The following GALNT13 variants were observed in gnomAD, a reference collection of about 807,000 sequenced individuals.
GALNT13 encodes UDP-GalNAc:polypeptide N-acetylgalactosaminyltransferase 13.
Under a neutral mutation model 64.2 loss-of-function variants are expected in GALNT13, and 28 were observed. That is an observed-to-expected ratio of 0.44 (90% CI 0.32 to 0.60). The LOEUF is 0.60. GALNT13 is among the 20% of genes least tolerant of loss of function. The pLI, the probability that GALNT13 is intolerant of heterozygous loss-of-function variation, is 0.05. For synonymous variants in GALNT13, 214 were observed against 224.6 expected, an observed-to-expected ratio of 0.95 and a Z score of 0.42; for missense variants, 577 against 669.8, an observed-to-expected ratio of 0.86 and a Z score of 1.53.
At chr2:154,370,426 A>T (rs1035779608) in intron 9 of GALNT13, among the ~76,000 whole-genome samples, 1 of 152,168 alleles carries the variant, frequency 6.6e-6, no homozygotes. Context: ...TCACAGTCAA[A>T]AAATAACTTG....
At chr2:154,001,046 T>C (rs1448749331) in intron 3 of GALNT13, among the ~76,000 whole-genome samples, 1 of 151,984 alleles carries the variant, frequency 6.6e-6, no homozygotes, top group Non-Finnish European at 1.5e-5. Flanking sequence ...ATATAATGGC[T>C]TAAGTTTGAT....
chr2:154,250,421 T>TA (rs1450731495), intron 7 of GALNT13, among the ~76,000 whole-genome samples: 1 of 152,102 alleles, frequency 6.6e-6, no homozygotes, highest in African/African-American at 2.4e-5. Context: ...CTCAATTACT[T>TA]ACGATGTTTC....
At chr2:153,525,172 G>T in the GALNT13 span, among the ~76,000 whole-genome samples, 6 of 152,274 alleles carry the variant, frequency 3.9e-5, no homozygotes, top group Middle Eastern at 3.4e-3. Context: ...CTGCCTTGAC[G>T]AGAAGAAACC....
intron 2 of GALNT13, among the ~76,000 whole-genome samples, chr2:153,922,443 C>T (rs1689822096): frequency 6.6e-6 from 1 of 152,122 alleles, no homozygotes; most frequent in Non-Finnish European, 1.5e-5. Flanking sequence ...AGCTTTATAC[C>T]TTTCCCATTT....
the GALNT13 span, among the ~76,000 whole-genome samples, chr2:153,715,070 A>G: frequency 6.6e-6 from 1 of 152,100 alleles, no homozygotes; most frequent in Non-Finnish European, 1.5e-5. Context: ...CTCTGGGGGC[A>G]TCATTCTTAG....
At chr2:154,025,601 T>C (rs1212810490) in intron 3 of GALNT13, among the ~76,000 whole-genome samples, 1 of 152,242 alleles carries the variant, frequency 6.6e-6, no homozygotes, top group Non-Finnish European at 1.5e-5. Context: ...ATAATCATTC[T>C]GGATTTTTAA....
intron 3 of GALNT13, among the ~76,000 whole-genome samples, chr2:154,093,629 A>T (rs1701929860): frequency 6.6e-6 from 1 of 151,724 alleles, no homozygotes; most frequent in Non-Finnish European, 1.5e-5. Context: ...GATTAATTAA[A>T]TGACCTAAAA....
chr2:154,204,781 A>G (rs1295200892), intron 4 of GALNT13, among the ~76,000 whole-genome samples: 3 of 152,200 alleles, frequency 2.0e-5, no homozygotes, highest in African/African-American at 7.2e-5. Flanking sequence ...TCTCAGACAT[A>G]TCATGTTATG....
chr2:153,600,897 G>A, the GALNT13 span, among the ~76,000 whole-genome samples: 1 of 151,912 alleles, frequency 6.6e-6, no homozygotes, highest in Admixed American at 6.6e-5. Flanking sequence ...TTTGAATGAT[G>A]TGAAATAATC....
intron 9 of GALNT13, among the ~76,000 whole-genome samples, chr2:154,347,342 A>G (rs1442100866): frequency 3.3e-5 from 5 of 152,148 alleles, no homozygotes; most frequent in South Asian, 4.1e-4. Flanking sequence ...TTGATCTTTC[A>G]TATTTGTTAT....
intron 11 of GALNT13, among the ~76,000 whole-genome samples, chr2:154,432,218 A>T (rs943527618): frequency 6.6e-6 from 1 of 152,218 alleles, no homozygotes; most frequent in African/African-American, 2.4e-5. Flanking sequence ...ATAATATAAA[A>T]GTATTTTGAA....
At position 154,259,090 on chromosome 2, in the gene GALNT13, T is replaced by C. The variant is rs751744508; in HGVS notation, c.927T>C (p.Asp309=). Residue 309 remains aspartate, a synonymous_variant, in exon 8 of 13, where the codon GAT becomes GAC. Coordinates refer to ENST00000392825, the MANE Select transcript of GALNT13 (RefSeq NM_052917.4). ...RNYFEEIGTY[D]AGMDIWGGEN... ...ACTTTGAAGAGATAGGAACTTACGA[T>C]GCAGGAATGGATATCTGGGGTGGAG... 6 of 1,608,874 alleles carry C rather than the reference T, an allele frequency of 3.7e-6. 1 individual carries two copies. Among genetic ancestry groups the C allele is most frequent in the South Asian group, 3.3e-5 (3 of 90,242 alleles).
intron 3 of GALNT13, among the ~76,000 whole-genome samples, chr2:154,099,475 A>G (rs1333577536): frequency 2.0e-5 from 3 of 152,146 alleles, no homozygotes; most frequent in East Asian, 3.9e-4. Flanking sequence ...CAAGGTCTTC[A>G]TCGTAAATTA....
Position 154,354,862 on chromosome 2 carries a change from G to T in GALNT13, c.1157-41129G>T, listed in dbSNP as rs1003663721. Among the ~76,000 whole-genome samples, 8 of 151,884 alleles carry T rather than the reference G, an allele frequency of 5.3e-5. 1 individual carries two copies. Among genetic ancestry groups the T allele is most frequent in the African/African-American group, 9.7e-5 (4 of 41,340 alleles). On this transcript the variant is annotated intron_variant, in intron 9 of 12. Coordinates refer to ENST00000392825, the MANE Select transcript of GALNT13 (RefSeq NM_052917.4). ...GTTTCTCACAGCAGTTCTCTCTACTGCTTCTTCATGTCAGGGTTCTTCTAC... is the reference window on the plus strand; with the variant it reads ...GTTTCTCACAGCAGTTCTCTCTACTTCTTCTTCATGTCAGGGTTCTTCTAC...
the GALNT13 span, among the ~76,000 whole-genome samples, chr2:153,510,710 C>G: frequency 6.6e-6 from 1 of 151,816 alleles, no homozygotes; most frequent in African/African-American, 2.4e-5. Flanking sequence ...AGTTTAAAAA[C>G]TTGCCAGGTG....
intron 7 of GALNT13, among the ~76,000 whole-genome samples, 191 bp from the exon 8 acceptor site, chr2:154,258,828 AAT>A (rs946491357): frequency 5.3e-5 from 8 of 151,914 alleles, no homozygotes; most frequent in African/African-American, 1.9e-4. Flanking sequence ...AACAAAAACT[AAT>A]ATGAGTTTTA....
rs187916794 is a variant in GALNT13 at position 153,983,709 on chromosome 2, C to A, written c.142+39070C>A. On this transcript the variant is annotated intron_variant, in intron 3 of 12. Coordinates refer to ENST00000392825, the MANE Select transcript of GALNT13 (RefSeq NM_052917.4). ...TTGAGTGTAATTTATTTCATTGCAA[C>A]CCTTTATGTCCTTGGCATTCTATCT... is the stretch of plus-strand genomic sequence containing the variant. 1.8e-4 allele frequency among the ~76,000 whole-genome samples: 28 copies of A among 152,052 alleles called. No homozygotes were observed. The East Asian group carries it at 5.2e-3, about 28-fold the overall frequency.
At chr2:153,345,773 CTTT>C in the GALNT13 span, among the ~76,000 whole-genome samples, 28 of 146,140 alleles carry the variant, frequency 1.9e-4, no homozygotes, top group East Asian at 4.0e-4. Context: ...TTCCTTCCTT[CTTT>C]CTCTCTTTCT....
chr2:154,006,240 A>G (rs1696242211), intron 3 of GALNT13, among the ~76,000 whole-genome samples: 1 of 152,208 alleles, frequency 6.6e-6, no homozygotes. Flanking sequence ...AATTATGTGA[A>G]TTACTGATTG....
Sources: allele counts gnomAD v4.1 joint callset (sites outside exome capture counted in the v4.1 genomes callset), GRCh38; gene constraint gnomAD v4.1.1; transcripts MANE v1.5; gene names NCBI Gene and HGNC (gene_info 2026-07-23, HGNC 2026-07-21).